The following POLA1 variants were observed in gnomAD, a reference collection of about 807,000 sequenced individuals.
POLA1 encodes the protein DNA polymerase alpha 1, catalytic subunit, also known as DNA polymerase alpha catalytic subunit.
POLA1 carries 15 observed loss-of-function variants against 124.0 expected under a neutral mutation model. The observed-to-expected ratio is 0.12, with a 90% CI of 0.08 to 0.19. The LOEUF is 0.19. Among genes scored for constraint, POLA1 ranks in the 10% least tolerant of loss-of-function variants. The probability of loss-of-function intolerance (pLI) is 1.00; values close to 1 mark genes in which losing one functional copy is unlikely to be tolerated. For missense variants in POLA1, 886 were observed against 1,103.4 expected (o/e 0.80, Z 2.79); for synonymous variants, 408 against 389.4 (o/e 1.05, Z -0.56).
intron 2 of POLA1, among the ~76,000 whole-genome samples, chrX:24,702,053 C>T (rs1445721399): frequency 3.2e-5 from 3 of 95,060 alleles, no homozygotes; most frequent in Non-Finnish European, 6.3e-5. Flanking sequence ...TGCACCTGGC[C>T]GAGAATCAGG....
chrX:24,973,395 A>AAGAGAG (rs11573515), intron 36 of POLA1, among the ~76,000 whole-genome samples: 4,977 of 110,461 alleles, frequency 0.045, 316 homozygotes, highest in African/African-American at 0.16. Context: ...AAGAAAAAGA[A>AAGAGAG]AGAGAGAGAG....
At chrX:24,904,019 C>T (rs1221228321) in intron 35 of POLA1, among the ~76,000 whole-genome samples, 1 of 106,915 alleles carries the variant, frequency 9.4e-6, no homozygotes, top group African/African-American at 3.4e-5. Context: ...CCTGCAGCCT[C>T]AATCTCCTGG....
chrX:24,917,034 T>C (rs1254154940), intron 35 of POLA1, among the ~76,000 whole-genome samples: 1 of 112,281 alleles, frequency 8.9e-6, no homozygotes, highest in African/African-American at 3.2e-5. Flanking sequence ...CTGGGCATGG[T>C]GGCTCACGCC....
At chrX:24,876,866 TA>T (rs2046943031) in intron 34 of POLA1, among the ~76,000 whole-genome samples, 1 of 112,052 alleles carries the variant, frequency 8.9e-6, no homozygotes, top group Non-Finnish European at 1.9e-5. Context: ...AAAGCAAATA[TA>T]AATTTTGTGT....
At chrX:24,850,704 G>C (rs755062003) in intron 34 of POLA1, among the ~76,000 whole-genome samples, 1 of 111,537 alleles carries the variant, frequency 9.0e-6, no homozygotes, top group Non-Finnish European at 1.9e-5. Context: ...AGCTTGGGCC[G>C]TAGTCTCTCC....
chrX:24,990,148 C>T (rs1294148128), intron 36 of POLA1, among the ~76,000 whole-genome samples: 1 of 111,965 alleles, frequency 8.9e-6, no homozygotes, highest in Non-Finnish European at 1.9e-5. Flanking sequence ...AATGTACCAG[C>T]AATTTCAAAC....
intron 32 of POLA1, among the ~76,000 whole-genome samples, chrX:24,829,906 C>T (rs1372558188): frequency 2.7e-5 from 3 of 111,923 alleles, no homozygotes; most frequent in African/African-American, 9.7e-5. Flanking sequence ...GAACTGACAC[C>T]GTTAAATAAG....
chrX:24,706,476 T>C (rs1928814240), intron 4 of POLA1, among the ~76,000 whole-genome samples: 2 of 112,196 alleles, frequency 1.8e-5, no homozygotes, highest in South Asian at 7.4e-4. Flanking sequence ...TAACGGCTTC[T>C]AGGCCCTTTC....
chrX:24,873,293 A>G (rs968578126), intron 34 of POLA1, among the ~76,000 whole-genome samples: 3 of 111,977 alleles, frequency 2.7e-5, no homozygotes, highest in Non-Finnish European at 3.8e-5. Flanking sequence ...CTTTTGGACA[A>G]CAATTTGGCA....
At chrX:24,744,061 T>G in intron 23 of POLA1, among the ~76,000 whole-genome samples, 1 of 111,108 alleles carries the variant, frequency 9.0e-6, no homozygotes, top group East Asian at 2.8e-4. Context: ...CCCAGCTAAT[T>G]TTTTTGTATA....
At chrX:24,781,755 A>G (rs1209132151) in intron 26 of POLA1, among the ~76,000 whole-genome samples, 1 of 111,690 alleles carries the variant, frequency 9.0e-6, no homozygotes, top group Non-Finnish European at 1.9e-5. Context: ...TTAGGCCTAA[A>G]AACAAAGCAT....
At chrX:24,789,077 G>T in intron 26 of POLA1, 2 of 1,205,960 alleles carry the variant, frequency 1.7e-6, no homozygotes, top group Non-Finnish European at 2.2e-6. Flanking sequence ...CATGGTGTCG[G>T]CTGTATCCGA....
intron 21 of POLA1, 81 bp downstream of exon 21, chrX:24,741,585 A>C: frequency 7.5e-6 from 6 of 797,712 alleles, no homozygotes; most frequent in Non-Finnish European, 1.1e-5. Flanking sequence ...TATGATAATG[A>C]GTCTAAATGC....
At position 24,844,549 on chromosome X, in the gene POLA1, G is replaced by A. The variant is rs369890168; in HGVS notation, c.4047+872G>A. Among the ~76,000 whole-genome samples, 11 of 109,343 alleles carry A rather than the reference G, an allele frequency of 1.0e-4. No homozygotes were observed. The South Asian group carries it at 1.5e-3, about 15-fold the overall frequency. 95.0% of individuals were successfully genotyped at this position (109,343 alleles called of 115,157 possible). ...AAAGATTGTTCTGTACTTTTTACTCGTATTAGTTAACATATAATAGCATTT... is the reference window on the plus strand; with the variant it reads ...AAAGATTGTTCTGTACTTTTTACTCATATTAGTTAACATATAATAGCATTT... On this transcript the variant is annotated intron_variant, in intron 34 of 36. Transcript: ENST00000379068.
intron 36 of POLA1, among the ~76,000 whole-genome samples, chrX:24,952,031 A>G (rs1156487277): frequency 9.0e-6 from 1 of 111,699 alleles, no homozygotes; most frequent in East Asian, 2.8e-4. Context: ...GGTATCATTT[A>G]TTAGGTGGTA....
intron 10 of POLA1, among the ~76,000 whole-genome samples, chrX:24,719,849 T>C (rs1207785611): frequency 9.0e-6 from 1 of 111,568 alleles, no homozygotes; most frequent in Non-Finnish European, 1.9e-5. Flanking sequence ...ACTTACCTTC[T>C]CTTTTTCCTC....
chrX:24,725,653 A>C (rs1198454610), intron 12 of POLA1, among the ~76,000 whole-genome samples: 1 of 112,320 alleles, frequency 8.9e-6, no homozygotes, highest in Non-Finnish European at 1.9e-5. Context: ...TTATAATGCT[A>C]ATTATTAATC....
intron 36 of POLA1, among the ~76,000 whole-genome samples, chrX:24,948,547 A>G (rs894505367): frequency 6.3e-5 from 7 of 111,949 alleles, no homozygotes; most frequent in African/African-American, 2.3e-4. Flanking sequence ...GATAAACCAT[A>G]TATTTGTATT....
At chrX:24,925,065 T>C (rs1016613468) in intron 35 of POLA1, among the ~76,000 whole-genome samples, 55 of 112,387 alleles carry the variant, frequency 4.9e-4, no homozygotes, top group African/African-American at 1.5e-3. Flanking sequence ...GAATCTGCTA[T>C]ATGGTATGAT....
Sources: allele counts gnomAD v4.1 joint callset (sites outside exome capture counted in the v4.1 genomes callset), GRCh38; gene constraint gnomAD v4.1.1; transcripts MANE v1.5; gene names NCBI Gene and HGNC (gene_info 2026-07-23, HGNC 2026-07-21).